The following TDRD9 variants were observed in gnomAD, a reference collection of about 807,000 sequenced individuals.
TDRD9 encodes the protein tudor domain containing 9, also known as ATP-dependent RNA helicase TDRD9.
A neutral mutation model predicts 172.6 loss-of-function variants in TDRD9; 124 were observed. That is an observed-to-expected ratio of 0.72 (90% confidence interval 0.62 to 0.83). The LOEUF is 0.83. TDRD9 is among the 40% of genes least tolerant of loss of function. The pLI, the probability that TDRD9 is intolerant of heterozygous loss-of-function variation, is 0.00. For synonymous variants in TDRD9, 619 were observed against 617.1 expected, an observed-to-expected ratio of 1.00 and a Z score of -0.05; for missense variants, 1,479 against 1,714.1, an observed-to-expected ratio of 0.86 and a Z score of 2.42.
chr14:103,992,402 GA>G (rs1302951794), intron 9 of TDRD9, among the ~76,000 whole-genome samples: 4 of 152,228 alleles, frequency 2.6e-5, no homozygotes, highest in Admixed American at 2.6e-4. Flanking sequence ...TTGCTTAGCT[GA>G]TAAGGATTTG....
At chr14:103,963,693 G>A (rs1035237548) in intron 3 of TDRD9, among the ~76,000 whole-genome samples, 10 of 152,194 alleles carry the variant, frequency 6.6e-5, no homozygotes, top group African/African-American at 2.4e-4. Context: ...TTACTTGCGT[G>A]TTATTAAGCA....
intron 1 of TDRD9, chr14:103,939,929 G>A (rs2031112083): frequency 6.7e-6 from 1 of 149,782 alleles, no homozygotes; most frequent in Admixed American, 6.7e-5. Context: ...ATTTTGATAC[G>A]TATATTTTTT....
chr14:104,019,961 G>A (rs549838600), intron 23 of TDRD9, among the ~76,000 whole-genome samples: 15 of 152,362 alleles, frequency 9.8e-5, no homozygotes, highest in Middle Eastern at 3.4e-3. Context: ...GCAGTGGCCA[G>A]TGCAGAGGTG....
Position 103,975,402 on chromosome 14 carries a change from C to T in TDRD9, c.860C>T (p.Ser287Leu), listed in dbSNP as rs776493794. 28 of 1,612,840 alleles carry T rather than the reference C, an allele frequency of 1.7e-5. No individual in the cohort carries two copies. The highest frequency in any genetic ancestry group is 5.0e-5 in the Admixed American group (3 of 59,928). Residue 287 changes from serine (S) to leucine (L), a missense_variant, in exon 7 of 36, where the codon TCG becomes TTG. Ser to Leu is a moderately radical substitution (Grantham distance 145). Transcript: ENST00000409874. ...CTTACTCTGTAGGTGGTCCTGATGTCGGCTACCATCAGCTGTAAAGAGTTT... is the reference window on the plus strand; with the variant it reads ...CTTACTCTGTAGGTGGTCCTGATGTTGGCTACCATCAGCTGTAAAGAGTTT... Reference protein sequence around the residue: ...NSRFVKVVLMSATISCKEFAD... With the variant: ...NSRFVKVVLMLATISCKEFAD...
Position 103,986,216 on chromosome 14 carries a change from G to T in TDRD9, c.1012-1G>T. ...CGACTTTTTTCTTTCACTGTTTTTA[G>T]CTCTCTCCTCATCTCCTGGAGGAAC... On this transcript the variant is annotated splice_acceptor_variant, in intron 7 of 35. Transcript: ENST00000409874. LOFTEE classifies it high-confidence loss of function. 1.2e-6 allele frequency: 2 copies of T among 1,611,288 alleles called. No individual in the cohort carries two copies. The highest frequency in any genetic ancestry group is 1.7e-6 in the Non-Finnish European group (2 of 1,178,816).
chr14:103,945,895 T>G (rs2031530499), intron 1 of TDRD9, among the ~76,000 whole-genome samples: 1 of 152,186 alleles, frequency 6.6e-6, no homozygotes, highest in East Asian at 1.9e-4. Context: ...CAGGGCTGCT[T>G]TATATAGTAT....
intron 30 of TDRD9, among the ~76,000 whole-genome samples, chr14:104,033,355 C>T (rs1241711085): frequency 6.6e-6 from 1 of 152,160 alleles, no homozygotes; most frequent in East Asian, 1.9e-4. Context: ...GATCCTCAGG[C>T]AGTATTGTGC....
Position 104,033,951 on chromosome 14 carries a change from G to T in TDRD9, c.3510-9G>T. 1 of 1,531,972 alleles carries T rather than the reference G, an allele frequency of 6.5e-7. No homozygotes were observed. 94.9% of individuals were successfully genotyped at this position (1,531,972 alleles called of 1,614,324 possible). ...AGTCACCCCATCTCCTGGTGCTCCTGCCTTTTAGGTGTGTTTGGATTGAGA... is the reference window on the plus strand; with the variant it reads ...AGTCACCCCATCTCCTGGTGCTCCTTCCTTTTAGGTGTGTTTGGATTGAGA... On this transcript the variant is annotated splice_polypyrimidine_tract_variant and intron_variant, in intron 30 of 35. Coordinates refer to ENST00000409874, the MANE Select transcript of TDRD9 (RefSeq NM_153046.3).
At chr14:103,989,519 G>A (rs1187048059) in intron 8 of TDRD9, among the ~76,000 whole-genome samples, 2 of 152,318 alleles carry the variant, frequency 1.3e-5, no homozygotes, top group East Asian at 3.9e-4. Flanking sequence ...CATGGATGGG[G>A]GTATGACAGG....
At chr14:104,011,498 C>T (rs979917279) in intron 20 of TDRD9, among the ~76,000 whole-genome samples, 1 of 152,122 alleles carries the variant, frequency 6.6e-6, no homozygotes, top group African/African-American at 2.4e-5. Context: ...AGAACACATT[C>T]AAAAACACCT....
At chr14:103,950,847 T>G (rs1375561429) in intron 1 of TDRD9, among the ~76,000 whole-genome samples, 5 of 152,150 alleles carry the variant, frequency 3.3e-5, no homozygotes, top group African/African-American at 1.2e-4. Flanking sequence ...CAAAAAAGAC[T>G]CTACAAAACC....
chr14:104,023,418 A>G (rs1190881469), intron 24 of TDRD9, among the ~76,000 whole-genome samples: 1 of 152,226 alleles, frequency 6.6e-6, no homozygotes, highest in Admixed American at 6.5e-5. Context: ...ATGGAGATGC[A>G]GCTGGGAGCA....
chr14:104,025,258 A>G (rs538899094), intron 25 of TDRD9, among the ~76,000 whole-genome samples: 132 of 152,340 alleles, frequency 8.7e-4, no homozygotes, highest in African/African-American at 3.1e-3. Flanking sequence ...CTGGCATTAC[A>G]GGCGTGAGCC....
At chr14:103,985,929 A>G (rs149909330) in intron 7 of TDRD9, among the ~76,000 whole-genome samples, 2 of 152,342 alleles carry the variant, frequency 1.3e-5, no homozygotes, top group East Asian at 1.9e-4. Context: ...TTCAAAGTAG[A>G]CATCCTGCCA....
At chr14:104,041,595 A>G (rs565911579) in intron 33 of TDRD9, among the ~76,000 whole-genome samples, 6 of 152,370 alleles carry the variant, frequency 3.9e-5, no homozygotes, top group Non-Finnish European at 8.8e-5. Context: ...GCTCAGCATC[A>G]TATGTCATTA....
chr14:103,936,785 G>A (rs992744094), intron 1 of TDRD9, among the ~76,000 whole-genome samples: 3 of 152,172 alleles, frequency 2.0e-5, no homozygotes, highest in African/African-American at 4.8e-5. Flanking sequence ...TGATGTAGAT[G>A]CTTAGTTAAT....
chr14:103,972,799 C>G (rs1359125704), intron 6 of TDRD9, among the ~76,000 whole-genome samples: 3 of 152,234 alleles, frequency 2.0e-5, no homozygotes, highest in Admixed American at 6.5e-5. Flanking sequence ...CATATTTTCA[C>G]TGGGTGGGTG....
chr14:103,938,228 A>G (rs2030898057), intron 1 of TDRD9, among the ~76,000 whole-genome samples: 2 of 151,834 alleles, frequency 1.3e-5, no homozygotes, highest in African/African-American at 4.8e-5. Context: ...AGAGCCTATT[A>G]TATGTCGGGG....
intron 4 of TDRD9, 128 bp from the exon 5 acceptor site, chr14:103,966,581 T>C: frequency 1.0e-6 from 1 of 958,666 alleles, no homozygotes; most frequent in African/African-American, 1.6e-5. Flanking sequence ...TCACTTTTAA[T>C]TTGGAGCCTG....
Sources: gnomAD v4.1 joint callset for allele counts (sites outside exome capture counted in the v4.1 genomes callset) on GRCh38, gnomAD v4.1.1 for gene constraint, MANE v1.5 for transcripts, NCBI Gene and HGNC (gene_info 2026-07-23, HGNC 2026-07-21) for gene names.